CPS1: variants seen among roughly 807,000 people sequenced by gnomAD.
CPS1 encodes carbamoyl-phosphate synthase [ammonia], mitochondrial.
In CPS1, 109 loss-of-function variants were observed where a neutral mutation model predicts 174.6. The observed-to-expected ratio is 0.62, with a 90% CI of 0.53 to 0.73. The LOEUF is 0.73. Among genes scored for constraint, CPS1 ranks in the 30% least tolerant of loss-of-function variants. The pLI is 0.00. For synonymous variants in CPS1, 637 were observed against 632.0 expected (o/e 1.01, Z -0.12); for missense variants, 1,689 against 1,821.9 (o/e 0.93, Z 1.33).
intron 10 of CPS1, among the ~76,000 whole-genome samples, 161 bp downstream of exon 10, chr2:210,592,130 T>C (rs1559093700): frequency 6.6e-6 from 1 of 152,084 alleles, no homozygotes; most frequent in Non-Finnish European, 1.5e-5. Flanking sequence ...AACCATCACC[T>C]CATTTTTTAT....
intron 33 of CPS1, among the ~76,000 whole-genome samples, chr2:210,663,679 G>A (rs992564376): frequency 6.6e-6 from 1 of 152,098 alleles, no homozygotes; most frequent in Non-Finnish European, 1.5e-5. Context: ...ACCTCCTGGG[G>A]ATTATCTAAA....
At position 210,556,636 on chromosome 2, in the gene CPS1, A is replaced by G; in HGVS notation, c.-98A>G. 3 of 1,567,306 alleles carry G rather than the reference A, an allele frequency of 1.9e-6. No homozygotes were observed. The highest frequency in any genetic ancestry group is 2.6e-6 in the Non-Finnish European group (3 of 1,156,418). On this transcript the variant is annotated 5_prime_UTR_variant, in exon 1 of 38. Coordinates refer to ENST00000233072, the MANE Select transcript of CPS1 (RefSeq NM_001875.5). The stretch of plus-strand genomic sequence containing the variant: ...GCAGTCAGCCTTAAACACTGACTGC[A>G]CCCCTCCCAGATTTCTTTTACATTA...
At chr2:210,569,557 T>A (rs888821438) in intron 1 of CPS1, among the ~76,000 whole-genome samples, 3 of 152,064 alleles carry the variant, frequency 2.0e-5, no homozygotes, top group Admixed American at 6.6e-5. Context: ...GTTTTCTCTG[T>A]TTTGTAATCC....
rs530063134 is a variant in CPS1 at position 210,655,732 on chromosome 2, G to C, written c.3559-793G>C. On this transcript the variant is annotated intron_variant, in intron 29 of 37. Transcript: ENST00000233072. ...AGCACTTTGCCCAGGTCACAGAACA[G>C]AAGGATGGAAACTCAAATGTCACTG... 2.6e-5 allele frequency among the ~76,000 whole-genome samples: 4 copies of C among 152,288 alleles called. No homozygotes were observed. In the South Asian group the frequency reaches 8.3e-4, roughly 32 times the overall value.
chr2:210,601,263 A>C (rs1358472163), intron 15 of CPS1, among the ~76,000 whole-genome samples: 1 of 151,922 alleles, frequency 6.6e-6, no homozygotes, highest in Non-Finnish European at 1.5e-5. Context: ...ACCAGGAAAA[A>C]GAATCAACTC....
At chr2:210,500,324 C>T (rs1450523358) in intron 1 of CPS1, among the ~76,000 whole-genome samples, 47 of 152,154 alleles carry the variant, frequency 3.1e-4, no homozygotes, top group Non-Finnish European at 2.9e-5. Context: ...ATCATGCCCT[C>T]CCAACAGTCC....
At chr2:210,479,406 G>T (rs1694501029) in intron 1 of CPS1, among the ~76,000 whole-genome samples, 1 of 148,182 alleles carries the variant, frequency 6.7e-6, no homozygotes. Context: ...TCGGCTCACT[G>T]CAACCTCTGA....
upstream of CPS1, among the ~76,000 whole-genome samples, chr2:210,554,125 A>G (rs1696811683): frequency 7.2e-6 from 1 of 139,436 alleles, no homozygotes. Context: ...ATGTATGTAT[A>G]TATACATACA....
chr2:210,677,137 G>T lies in CPS1; in HGVS notation c.4404+1G>T. On this transcript the variant is annotated splice_donor_variant, in intron 37 of 37. Coordinates refer to ENST00000233072, the MANE Select transcript of CPS1 (RefSeq NM_001875.5). LOFTEE classifies it high-confidence loss of function. ...AATCCCTCTCCTCACTAATTTTCAG[G>T]TATAGTCTTTTCCTTGGATATAGAC... The T allele has an allele frequency of 6.2e-7, 1 of 1,613,762 alleles. No homozygotes were observed. The highest frequency in any genetic ancestry group is 8.5e-7 in the Non-Finnish European group (1 of 1,179,716).
chr2:210,541,839 G>A (rs555282897), intron 1 of CPS1, among the ~76,000 whole-genome samples: 18 of 152,116 alleles, frequency 1.2e-4, no homozygotes, highest in Non-Finnish European at 2.2e-4. Flanking sequence ...GCAGATTTTG[G>A]TTGATCATGG....
chr2:210,544,104 T>C (rs913958017), intron 1 of CPS1, among the ~76,000 whole-genome samples: 2 of 152,108 alleles, frequency 1.3e-5, no homozygotes, highest in Non-Finnish European at 2.9e-5. Context: ...GGAAGATTAA[T>C]AGACTTGGCT....
intron 1 of CPS1, among the ~76,000 whole-genome samples, chr2:210,483,711 T>G (rs957685858): frequency 1.3e-5 from 2 of 152,230 alleles, no homozygotes; most frequent in Admixed American, 6.5e-5. Context: ...ACTCTGAATA[T>G]TTAGGAACAC....
intron 1 of CPS1, among the ~76,000 whole-genome samples, chr2:210,532,446 G>T (rs960916274): frequency 3.3e-5 from 5 of 152,086 alleles, no homozygotes; most frequent in Admixed American, 1.3e-4. Flanking sequence ...TTTTTAAATA[G>T]TTATACATAA....
chr2:210,516,173 A>G (rs984860250), intron 1 of CPS1, among the ~76,000 whole-genome samples: 1 of 151,650 alleles, frequency 6.6e-6, no homozygotes, highest in African/African-American at 2.4e-5. Context: ...TGTACATTCT[A>G]TGGTTGCTGG....
chr2:210,592,096 G>A, intron 10 of CPS1, 127 bp downstream of exon 10: 1 of 1,077,406 alleles, frequency 9.3e-7, no homozygotes, highest in Non-Finnish European at 1.3e-6. Flanking sequence ...CATATCATAT[G>A]TAATGATCAA....
chr2:210,572,342 A>G (rs544927930), intron 1 of CPS1, among the ~76,000 whole-genome samples: 24 of 152,154 alleles, frequency 1.6e-4, no homozygotes, highest in East Asian at 1.9e-4. Flanking sequence ...TTATACTTTA[A>G]TTTTTAAAAA....
chr2:210,624,585 A>C (rs1044233540), intron 21 of CPS1, among the ~76,000 whole-genome samples: 1 of 152,064 alleles, frequency 6.6e-6, no homozygotes, highest in South Asian at 2.1e-4. Flanking sequence ...TAATAAAAGG[A>C]TATTTTAGGT....
intron 1 of CPS1, among the ~76,000 whole-genome samples, chr2:210,484,153 A>T (rs575051146): frequency 6.6e-6 from 1 of 152,192 alleles, no homozygotes; most frequent in Non-Finnish European, 1.5e-5. Context: ...GGGAGGTTTC[A>T]TAGAAGGTGA....
rs1224409550 is a variant in CPS1 at position 210,605,800 on chromosome 2, G to A, written c.1981+554G>A. 2.6e-5 allele frequency among the ~76,000 whole-genome samples: 4 copies of A among 151,862 alleles called. No homozygotes were observed. In the Admixed American group the frequency reaches 2.6e-4, roughly 10 times the overall value. ...GATACAAAGACACTGGAAACTGTTG[G>A]CATAAAAGGGGAAATTGAAGTTGTA... On this transcript the variant is annotated intron_variant, in intron 17 of 37. Transcript: ENST00000233072.
Sources: gnomAD v4.1 joint callset for allele counts (sites outside exome capture counted in the v4.1 genomes callset) on GRCh38, gnomAD v4.1.1 for gene constraint, MANE v1.5 for transcripts, NCBI Gene and HGNC (gene_info 2026-07-23, HGNC 2026-07-21) for gene names.